Variants in NCAM1 observed in about 807,000 individuals in gnomAD.
NCAM1 encodes the protein neural cell adhesion molecule 1, also known as antigen recognized by monoclonal antibody 5.1H11.
In NCAM1, 14 loss-of-function variants were observed where a neutral mutation model predicts 109.8. The ratio of observed to expected loss-of-function variants is 0.13; its 90% CI spans 0.08 to 0.20. NCAM1 has a LOEUF of 0.20. Among genes scored for constraint, NCAM1 ranks in the 10% least tolerant of loss-of-function variants. NCAM1 has a pLI of 1.00. For missense variants in NCAM1, 774 were observed against 1,109.9 expected (o/e 0.70, Z 4.30); for synonymous variants, 418 against 442.9 (o/e 0.94, Z 0.70).
intron 1 of NCAM1, chr11:113,197,190 G>A: frequency 3.7e-6 from 1 of 267,356 alleles, no homozygotes; most frequent in African/African-American, 2.2e-5. Context: ...GGGGATTATG[G>A]GAATTACAAT....
At chr11:113,062,912 G>A (rs1451978308) in intron 1 of NCAM1, among the ~76,000 whole-genome samples, 2 of 152,088 alleles carry the variant, frequency 1.3e-5, no homozygotes, top group African/African-American at 4.8e-5. Flanking sequence ...AGGCTGCAGT[G>A]AGCCATGATC....
In NCAM1 at chr11:113,014,834, C is replaced by T. The variant is rs191106516; in HGVS notation, c.52+53170C>T. Among the ~76,000 whole-genome samples the T allele has an allele frequency of 2.0e-5, 3 of 152,304 alleles. No homozygotes were observed. The East Asian group carries it at 5.8e-4, about 29-fold the overall frequency. ...CTCACGCAAATCTGAGAGTGGGAAC[C>T]AGGGGACAGGGCCTAGCAGTGCTGG... On this transcript the variant is annotated intron_variant, in intron 1 of 19. Coordinates refer to ENST00000316851, the MANE Select transcript of NCAM1 (RefSeq NM_181351.5).
intron 1 of NCAM1, chr11:113,133,883 G>A (rs1941500475): frequency 6.6e-6 from 1 of 151,982 alleles, no homozygotes; most frequent in South Asian, 2.1e-4. Context: ...ATAGGGGAGA[G>A]GCCATTTAGG....
intron 5 of NCAM1, among the ~76,000 whole-genome samples, chr11:113,206,570 G>C (rs951112573): frequency 6.6e-6 from 1 of 152,096 alleles, no homozygotes; most frequent in Non-Finnish European, 1.5e-5. Flanking sequence ...TCAGAATCAT[G>C]GTCCATAGGC....
At chr11:112,998,595 C>T (rs1411874345) in intron 1 of NCAM1, among the ~76,000 whole-genome samples, 1 of 152,120 alleles carries the variant, frequency 6.6e-6, no homozygotes. Context: ...CCCATCTATC[C>T]TGCTTGTGTT....
chr11:113,019,678 A>T (rs1171213768), intron 1 of NCAM1, among the ~76,000 whole-genome samples: 1 of 152,190 alleles, frequency 6.6e-6, no homozygotes, highest in African/African-American at 2.4e-5. Flanking sequence ...AGATAACATC[A>T]CCTGAGTTCT....
intron 1 of NCAM1, among the ~76,000 whole-genome samples, chr11:113,091,382 C>T (rs935173409): frequency 2.0e-5 from 3 of 152,246 alleles, no homozygotes; most frequent in South Asian, 2.1e-4. Flanking sequence ...GATGTTTTAT[C>T]GGACACTTGC....
At chr11:113,185,322 G>A (rs571876554) in intron 1 of NCAM1, among the ~76,000 whole-genome samples, 5 of 152,098 alleles carry the variant, frequency 3.3e-5, no homozygotes, top group Non-Finnish European at 7.4e-5. Context: ...CAAGCCGAAA[G>A]AAAGAACTAT....
At chr11:113,097,943 T>C (rs1052368630) in intron 1 of NCAM1, among the ~76,000 whole-genome samples, 3 of 152,188 alleles carry the variant, frequency 2.0e-5, no homozygotes, top group Admixed American at 1.3e-4. Context: ...TTGAGATAGC[T>C]GAAGCTTATG....
In NCAM1 at chr11:113,207,795, G is replaced by A. The variant is rs782044863; in HGVS notation, c.747-38G>A. 86 of 1,570,388 alleles carry A rather than the reference G, an allele frequency of 5.5e-5. 2 individuals carry two copies. The highest frequency in any genetic ancestry group is 2.3e-5 in the Non-Finnish European group (26 of 1,151,574). ...TAAAAATAAACGTCTTATTTCTGTG[G>A]TCGAAATCATGCTACTTTGCATTTC... On this transcript the variant is annotated intron_variant, in intron 6 of 19. Coordinates refer to ENST00000316851, the MANE Select transcript of NCAM1 (RefSeq NM_181351.5).
At chr11:113,165,705 T>C (rs1389508856) in intron 1 of NCAM1, among the ~76,000 whole-genome samples, 3 of 152,146 alleles carry the variant, frequency 2.0e-5, no homozygotes, top group Non-Finnish European at 2.9e-5. Context: ...GCTCTGGCTG[T>C]CTGTACTCCT....
At chr11:113,058,889 C>T (rs782756936) in intron 1 of NCAM1, among the ~76,000 whole-genome samples, 5 of 152,200 alleles carry the variant, frequency 3.3e-5, no homozygotes, top group Admixed American at 6.5e-5. Context: ...TTATTCATTC[C>T]TACAGGGTCA....
intron 14 of NCAM1, among the ~76,000 whole-genome samples, chr11:113,239,329 G>A (rs534817638): frequency 3.4e-4 from 51 of 152,228 alleles, no homozygotes; most frequent in Admixed American, 9.8e-4. Context: ...GCCTTGAGAC[G>A]GGCTGCTTGT....
rs1202035914 is a variant in NCAM1 at position 113,270,562 on chromosome 11, T to G, written c.2339+167T>G. Reference sequence around the variant, plus strand: ...CATTAGAGAAAAGTTTCTCAAAGCATGGTCTTTGGGGGTTACCTGTTTGAA... The same window carrying G: ...CATTAGAGAAAAGTTTCTCAAAGCAGGGTCTTTGGGGGTTACCTGTTTGAA... On this transcript the variant is annotated intron_variant, in intron 18 of 19. Transcript: ENST00000316851. 7.6e-6 allele frequency: 5 copies of G among 659,798 alleles called. No homozygotes were observed. The African/African-American group carries it at 9.1e-5, about 12-fold the overall frequency. 40.9% of individuals were successfully genotyped at this position (659,798 alleles called of 1,614,324 possible).
chr11:113,205,802 A>C, intron 4 of NCAM1, 136 bp downstream of exon 4: 1 of 1,269,896 alleles, frequency 7.9e-7, no homozygotes, highest in Non-Finnish European at 1.1e-6. Flanking sequence ...CTGGGTCCTG[A>C]ATAGATGCAT....
intron 1 of NCAM1, among the ~76,000 whole-genome samples, chr11:113,199,599 TGGGAAGG>T (rs1943970703): frequency 9.3e-6 from 1 of 107,220 alleles, no homozygotes; most frequent in Non-Finnish European, 1.8e-5. Flanking sequence ...ACTTCTGTGA[TGGGAAGG>T]GGAACATCAC....
chr11:113,030,349 T>C (rs937040522), intron 1 of NCAM1, among the ~76,000 whole-genome samples: 2 of 152,174 alleles, frequency 1.3e-5, no homozygotes, highest in Non-Finnish European at 2.9e-5. Context: ...CAGACTTGTA[T>C]TGGGGTGTAC....
rs1591479610 is a variant in NCAM1, at chr11:113,273,602, C to T, written c.2457-1665C>T. On this transcript the variant is annotated intron_variant, in intron 19 of 19. Coordinates refer to ENST00000316851, the MANE Select transcript of NCAM1 (RefSeq NM_181351.5). The surrounding 1 kb of genome is among the most constrained non-coding windows in gnomAD (Gnocchi z 6.0). ...AGGACTTTAAAATGGACGAAGGGAA[C>T]TTCAAGACCCCAGATATTGACCTTG... is the stretch of plus-strand genomic sequence containing the variant. 1 of 447,738 alleles carries T rather than the reference C, an allele frequency of 2.2e-6. No homozygotes were observed. The highest frequency in any genetic ancestry group is 4.5e-6 in the Non-Finnish European group (1 of 221,806). 27.7% of individuals were successfully genotyped at this position (447,738 alleles called of 1,614,324 possible).
At chr11:113,071,421 A>ATTT (rs66821824) in intron 1 of NCAM1, among the ~76,000 whole-genome samples, 15 of 127,664 alleles carry the variant, frequency 1.2e-4, no homozygotes, top group East Asian at 2.4e-4. Context: ...TGTTGGTTGG[A>ATTT]TTTTTTTTTT....
Sources: allele counts gnomAD v4.1 joint callset (sites outside exome capture counted in the v4.1 genomes callset), GRCh38; gene constraint gnomAD v4.1.1; non-coding constraint Gnocchi (gnomAD v3.1); transcripts MANE v1.5; gene names NCBI Gene and HGNC (gene_info 2026-07-23, HGNC 2026-07-21).